UBAC2: variants seen among roughly 807,000 people sequenced by gnomAD.
The protein encoded by UBAC2 is ubiquitin-associated domain-containing protein 2.
Under a neutral mutation model 44.0 loss-of-function variants are expected in UBAC2, and 26 were observed. The observed-to-expected ratio is 0.59, with a 90% CI of 0.43 to 0.82. UBAC2 has a LOEUF of 0.82. Among genes scored for constraint, UBAC2 ranks in the 40% least tolerant of loss-of-function variants. UBAC2 has a pLI of 0.00. For missense variants in UBAC2, 329 were observed against 419.4 expected, an observed-to-expected ratio of 0.78 and a Z score of 1.88; for synonymous variants, 155 against 154.3, an observed-to-expected ratio of 1.00 and a Z score of -0.04.
intron 7 of UBAC2, among the ~76,000 whole-genome samples, chr13:99,353,059 T>A (rs2045120559): frequency 6.6e-6 from 1 of 152,226 alleles, no homozygotes; most frequent in South Asian, 2.1e-4. Context: ...TTGGTGCAAT[T>A]TGATTTGAAA....
At chr13:99,212,746 C>T (rs919843317) in intron 1 of UBAC2, among the ~76,000 whole-genome samples, 1 of 152,034 alleles carries the variant, frequency 6.6e-6, no homozygotes, top group African/African-American at 2.4e-5. Flanking sequence ...AAATTTTTTT[C>T]TCCTTTATGT....
chr13:99,340,605 A>G (rs1360395550), intron 7 of UBAC2, 40 bp downstream of exon 7: 3 of 1,589,986 alleles, frequency 1.9e-6, no homozygotes, highest in Middle Eastern at 3.6e-4. Flanking sequence ...AGAAATTCTC[A>G]GTGGCCCAAG....
intron 1 of UBAC2, among the ~76,000 whole-genome samples, chr13:99,229,409 C>T (rs1476425793): frequency 1.3e-5 from 2 of 152,160 alleles, no homozygotes; most frequent in Non-Finnish European, 2.9e-5. Flanking sequence ...GCAACATGTT[C>T]AGGAGGTAGT....
At chr13:99,356,144 G>A in intron 7 of UBAC2, 2 of 534,440 alleles carry the variant, frequency 3.7e-6, no homozygotes, top group East Asian at 5.4e-5. Flanking sequence ...CACAGTAGAA[G>A]CATCCCTTGC....
intron 4 of UBAC2, among the ~76,000 whole-genome samples, chr13:99,257,132 T>G (rs761613992): frequency 2.0e-5 from 3 of 152,192 alleles, no homozygotes; most frequent in Non-Finnish European, 4.4e-5. Context: ...CCTTCTTTCC[T>G]TCTCAAATAT....
chr13:99,296,399 T>G (rs2044174192), intron 4 of UBAC2, among the ~76,000 whole-genome samples: 1 of 152,186 alleles, frequency 6.6e-6, no homozygotes, highest in Non-Finnish European at 1.5e-5. Flanking sequence ...CACAATTTGC[T>G]GACTTTGGCA....
At chr13:99,232,280 A>C (rs1355488745) in intron 1 of UBAC2, among the ~76,000 whole-genome samples, 1 of 151,866 alleles carries the variant, frequency 6.6e-6, no homozygotes, top group Non-Finnish European at 1.5e-5. Context: ...CTGAGAAAGG[A>C]GCAAACTTTA....
At chr13:99,326,545 T>G (rs915788151) in intron 6 of UBAC2, among the ~76,000 whole-genome samples, 1 of 152,198 alleles carries the variant, frequency 6.6e-6, no homozygotes, top group African/African-American at 2.4e-5. Flanking sequence ...AAAAAATAAT[T>G]TCTGTACTAT....
chr13:99,360,274 C>T (rs1291416216), intron 7 of UBAC2, among the ~76,000 whole-genome samples: 1 of 152,132 alleles, frequency 6.6e-6, no homozygotes, highest in East Asian at 1.9e-4. Flanking sequence ...AGTATAAGGC[C>T]AAGTAGTAAG....
intron 4 of UBAC2, among the ~76,000 whole-genome samples, chr13:99,269,146 G>C (rs1205305549): frequency 6.6e-6 from 1 of 152,196 alleles, no homozygotes; most frequent in African/African-American, 2.4e-5. Context: ...CTGTGGCTGG[G>C]AGAGTGCGAG....
chr13:99,365,983 C>T (rs9585041), intron 7 of UBAC2, among the ~76,000 whole-genome samples: 45,530 of 151,808 alleles, frequency 0.3, 7,124 homozygotes, highest in Middle Eastern at 0.44. Flanking sequence ...TTTTTGCCTT[C>T]GAGGTCTATT....
intron 4 of UBAC2, chr13:99,256,320 T>C (rs1203797489): frequency 6.5e-6 from 1 of 154,054 alleles, no homozygotes; most frequent in Non-Finnish European, 1.4e-5. Flanking sequence ...CTTCATAATA[T>C]TTATTACCTT....
At chr13:99,232,919 G>T (rs1215378878) in intron 1 of UBAC2, among the ~76,000 whole-genome samples, 2 of 152,040 alleles carry the variant, frequency 1.3e-5, no homozygotes, top group Non-Finnish European at 2.9e-5. Context: ...TCTAGCCTGG[G>T]CAACACAAGG....
intron 8 of UBAC2, among the ~76,000 whole-genome samples, chr13:99,383,841 G>A (rs570137864): frequency 1.3e-5 from 2 of 152,358 alleles, no homozygotes; most frequent in East Asian, 1.9e-4. Flanking sequence ...GCTTTTGGGG[G>A]AGGAGGGTCT....
rs1220735498 is a variant in UBAC2 at position 99,277,027 on chromosome 13, C to T, written c.389+32403C>T. Among the ~76,000 whole-genome samples the T allele has an allele frequency of 2.6e-5, 4 of 152,248 alleles. No individual in the cohort carries two copies. The East Asian group carries it at 7.7e-4, about 29-fold the overall frequency. ...GCCTCTCAGATTTCACCACTGGTGG[C>T]TTAGTATTTGGTTTTCTCAGGTTTG... On this transcript the variant is annotated intron_variant, in intron 4 of 8. Coordinates refer to ENST00000403766, the MANE Select transcript of UBAC2 (RefSeq NM_001144072.2).
At chr13:99,223,946 G>A (rs1160850862) in intron 1 of UBAC2, among the ~76,000 whole-genome samples, 1 of 152,114 alleles carries the variant, frequency 6.6e-6, no homozygotes, top group Non-Finnish European at 1.5e-5. Context: ...TTGAAAAAAT[G>A]TGTAACTTGC....
intron 7 of UBAC2, among the ~76,000 whole-genome samples, chr13:99,355,776 C>T (rs1483452302): frequency 6.6e-6 from 1 of 152,228 alleles, no homozygotes; most frequent in African/African-American, 2.4e-5. Context: ...CAAGCCCCCC[C>T]GCAGCTGCCC....
intron 1 of UBAC2, chr13:99,215,811 T>G (rs1343821698): frequency 3.0e-6 from 2 of 656,052 alleles, no homozygotes; most frequent in East Asian, 5.3e-5. Flanking sequence ...ATCAGACCCG[T>G]GGTGAGATCC....
chr13:99,267,140 T>C (rs2043754511), intron 4 of UBAC2, among the ~76,000 whole-genome samples: 2 of 152,184 alleles, frequency 1.3e-5, no homozygotes, highest in African/African-American at 4.8e-5. Flanking sequence ...CAAGAATCTT[T>C]TCATGGGCTT....
Sources: allele counts gnomAD v4.1 joint callset (sites outside exome capture counted in the v4.1 genomes callset), GRCh38; gene constraint gnomAD v4.1.1; transcripts MANE v1.5; gene names NCBI Gene and HGNC (gene_info 2026-07-23, HGNC 2026-07-21).